ADGRA3: variants seen among roughly 807,000 people sequenced by gnomAD.
ADGRA3 encodes G-protein coupled receptor 125.
Under a neutral mutation model 119.8 loss-of-function variants are expected in ADGRA3, and 56 were observed. That is an observed-to-expected ratio of 0.47 (90% confidence interval 0.38 to 0.58). The LOEUF is 0.58. Ranked by LOEUF, ADGRA3 falls within the 20% of genes least tolerant of loss-of-function variation. ADGRA3 has a pLI of 0.00. For missense variants in ADGRA3, 1,516 were observed against 1,649.0 expected (o/e 0.92, Z 1.40); for synonymous variants, 607 against 623.8 (o/e 0.97, Z 0.40).
chr4:22,421,307 C>CA (rs1441508847), intron 11 of ADGRA3, among the ~76,000 whole-genome samples: 3 of 146,060 alleles, frequency 2.1e-5, no homozygotes, highest in African/African-American at 2.5e-5. Flanking sequence ...GAAGGGAGAC[C>CA]AAAAAAAAGG....
At chr4:22,416,055 T>C (rs964397864) in intron 12 of ADGRA3, among the ~76,000 whole-genome samples, 1 of 152,224 alleles carries the variant, frequency 6.6e-6, no homozygotes, top group Admixed American at 6.5e-5. Context: ...TTTAGACTTT[T>C]ATACTAACAA....
chr4:22,413,972 C>T (rs547287608), intron 12 of ADGRA3, 158 bp from the exon 13 acceptor site: 6 of 535,488 alleles, frequency 1.1e-5, no homozygotes, highest in Admixed American at 7.1e-5. Flanking sequence ...ATCAGTCAAG[C>T]GAAATGTCAA....
Position 22,449,945 on chromosome 4 carries a change from C to T in ADGRA3, c.474-2434G>A, listed in dbSNP as rs180706100. On this transcript the variant is annotated intron_variant, in intron 4 of 18. Transcript: ENST00000334304. ...TTGGAAATCGCAAAGGAAGGGATCACATTAGAGAAGGACATGCCATCTTCT... is the reference window on the plus strand; with the variant it reads ...TTGGAAATCGCAAAGGAAGGGATCATATTAGAGAAGGACATGCCATCTTCT... Among the ~76,000 whole-genome samples, 636 of 152,038 alleles carry T rather than the reference C, an allele frequency of 4.2e-3. 4 individuals are homozygous for T. Among genetic ancestry groups the T allele is most frequent in the Non-Finnish European group, 6.9e-3 (469 of 68,014 alleles).
intron 11 of ADGRA3, 23 bp downstream of exon 11, chr4:22,424,168 G>C: frequency 6.3e-7 from 1 of 1,586,434 alleles, no homozygotes; most frequent in South Asian, 1.1e-5. Flanking sequence ...TTTCTCAGGA[G>C]TCTATGATAA....
At chr4:22,498,576 C>T (rs1017540626) in intron 1 of ADGRA3, among the ~76,000 whole-genome samples, 5 of 151,732 alleles carry the variant, frequency 3.3e-5, no homozygotes, top group Admixed American at 2.6e-4. Flanking sequence ...CGAGATTGTG[C>T]CACTGCAATC....
In ADGRA3 at chr4:22,388,752, C is replaced by G; in HGVS notation, c.2919G>C (p.Gln973His). The G allele has an allele frequency of 6.2e-7, 1 of 1,614,044 alleles. No homozygotes were observed. The highest frequency in any genetic ancestry group is 8.5e-7 in the Non-Finnish European group (1 of 1,179,938). ...AANENGEINH[Q>H]DSMSLSLIST... ...AAATCAGAGACAAAGACATTGAATC[C>G]TGATGATTTATTTCGCCATTTTCAT... Residue 973 changes from glutamine to histidine, a missense_variant, in exon 19 of 19, where the codon CAG (glutamine) becomes CAC (histidine). Coordinates refer to ENST00000334304, the MANE Select transcript of ADGRA3 (RefSeq NM_145290.4).
At chr4:22,402,218 T>A (rs1440275784) in intron 15 of ADGRA3, among the ~76,000 whole-genome samples, 3 of 152,090 alleles carry the variant, frequency 2.0e-5, no homozygotes, top group Non-Finnish European at 4.4e-5. Context: ...AAACAACATA[T>A]CCCACGCTTA....
chr4:22,501,446 C>T (rs908642303), intron 1 of ADGRA3, among the ~76,000 whole-genome samples: 4 of 152,116 alleles, frequency 2.6e-5, no homozygotes, highest in African/African-American at 7.2e-5. Context: ...GAATAAACTG[C>T]AACCATTAAG....
rs539720615 is a variant in ADGRA3 at position 22,473,887 on chromosome 4, C to T, written c.258-44G>A. ...ATAATAAGTTGCCTAATATACACTA[C>T]CAATATCAAAGTAATTTAGCTTATT... On this transcript the variant is annotated intron_variant, in intron 1 of 18. Coordinates refer to ENST00000334304, the MANE Select transcript of ADGRA3 (RefSeq NM_145290.4). The T allele has an allele frequency of 8.8e-5, 101 of 1,149,706 alleles. No individual in the cohort carries two copies. In the South Asian group the frequency reaches 1.3e-3, roughly 15 times the overall value. The allele number at this position is 1,149,706 out of a possible 1,614,324, so 71.2% of individuals were successfully genotyped here. A position where few individuals can be genotyped will look rare whatever the true frequency, so the allele number is the denominator to read the frequency against.
At chr4:22,489,349 A>T (rs1371612639) in intron 1 of ADGRA3, among the ~76,000 whole-genome samples, 1 of 152,174 alleles carries the variant, frequency 6.6e-6, no homozygotes, top group African/African-American at 2.4e-5. Context: ...TTCGGTGGGA[A>T]TATAGCCAAA....
At chr4:22,422,108 G>C (rs1047675409) in intron 11 of ADGRA3, among the ~76,000 whole-genome samples, 1 of 151,988 alleles carries the variant, frequency 6.6e-6, no homozygotes, top group African/African-American at 2.4e-5. Flanking sequence ...AAGTGACAAG[G>C]AGCCACACCT....
At chr4:22,431,730 T>C (rs1184086100) in intron 10 of ADGRA3, among the ~76,000 whole-genome samples, 2 of 152,198 alleles carry the variant, frequency 1.3e-5, no homozygotes, top group Admixed American at 1.3e-4. Flanking sequence ...CTCTCGGGTA[T>C]GTCATTTTTA....
intron 1 of ADGRA3, among the ~76,000 whole-genome samples, chr4:22,510,803 C>A (rs1464911771): frequency 6.6e-6 from 1 of 152,174 alleles, no homozygotes; most frequent in Non-Finnish European, 1.5e-5. Flanking sequence ...TGATCTCTCC[C>A]CTGTTTGGGC....
chr4:22,387,857 C>T lies in ADGRA3; in HGVS notation c.3814G>A (p.Val1272Ile), dbSNP rs147162304. Reference protein sequence around the residue: ...KKDALRKPAVVELENQQKSYG... With the variant: ...KKDALRKPAVIELENQQKSYG... ...GATTTTTGCTGATTTTCAAGTTCAA[C>T]CACAGCTGGCTTCCTTAACGCATCT... Residue 1272 changes from valine to isoleucine, a missense_variant, in exon 19 of 19, where the codon GTT (valine) becomes ATT (isoleucine). By Grantham distance (29) the Val-to-Ile change is conservative. Around this residue, in one of 2 missense-constraint regions of ADGRA3, gnomAD observed 1,088 missense variants for 1,107.1 expected, o/e 0.98. Coordinates refer to ENST00000334304, the MANE Select transcript of ADGRA3 (RefSeq NM_145290.4). 9.9e-6 allele frequency: 16 copies of T among 1,614,012 alleles called. No individual in the cohort carries two copies. The African/African-American group carries it at 2.0e-4, about 20-fold the overall frequency.
chr4:22,477,817 G>A (rs930145077), intron 1 of ADGRA3: 2 of 152,164 alleles, frequency 1.3e-5, no homozygotes, highest in Admixed American at 1.3e-4. Context: ...ATTATTTGAT[G>A]TGTTTAAGGA....
intron 1 of ADGRA3, among the ~76,000 whole-genome samples, chr4:22,504,353 C>T (rs929168375): frequency 1.3e-5 from 2 of 152,114 alleles, no homozygotes; most frequent in African/African-American, 4.8e-5. Flanking sequence ...GCCTGATACC[C>T]AAGTTGGTTC....
At chr4:22,445,231 T>C in intron 5 of ADGRA3, 98 bp from the exon 6 acceptor site, 1 of 998,064 alleles carries the variant, frequency 1.0e-6, no homozygotes, top group Middle Eastern at 2.6e-4. Flanking sequence ...AGCACAATAC[T>C]GTTCACCCAT....
rs371623848 is a variant in ADGRA3 at position 22,406,254 on chromosome 4, T to C, written c.2233-3455A>G. Among the ~76,000 whole-genome samples, 5 of 152,368 alleles carry C rather than the reference T, an allele frequency of 3.3e-5. No homozygotes were observed. The East Asian group carries it at 7.7e-4, about 24-fold the overall frequency. ...GGACACTTAACGTTGATTGTTTATCTTGGCTATCGTGAATAGTGCTGCAGT... is the reference window on the plus strand; with the variant it reads ...GGACACTTAACGTTGATTGTTTATCCTGGCTATCGTGAATAGTGCTGCAGT... On this transcript the variant is annotated intron_variant, in intron 14 of 18. Transcript: ENST00000334304.
At chr4:22,409,017 A>T (rs146832270) in intron 14 of ADGRA3, among the ~76,000 whole-genome samples, 1 of 152,320 alleles carries the variant, frequency 6.6e-6, no homozygotes, top group East Asian at 1.9e-4. Context: ...AAGTGTACAT[A>T]CTACACAACT....
Sources: gnomAD v4.1 joint callset for allele counts (sites outside exome capture counted in the v4.1 genomes callset) on GRCh38, gnomAD v4.1.1 for gene constraint, gnomAD v4.1.1 regional missense constraint, MANE v1.5 for transcripts, NCBI Gene and HGNC (gene_info 2026-07-23, HGNC 2026-07-21) for gene names.